The following PBX3 variants were observed in gnomAD, a reference collection of about 807,000 sequenced individuals.
The protein encoded by PBX3 is PBX homeobox 3, also known as pre-B-cell leukemia transcription factor 3.
A neutral mutation model predicts 48.5 loss-of-function variants in PBX3; 14 were observed. The observed-to-expected ratio is 0.29, with a 90% confidence interval of 0.19 to 0.45. The LOEUF (loss-of-function observed/expected upper bound fraction) is 0.45, where lower values mean the gene tolerates loss of function less well. Ranked by LOEUF, PBX3 falls within the 20% of genes least tolerant of loss-of-function variation. The pLI, the probability that PBX3 is intolerant of heterozygous loss-of-function variation, is 1.00. For synonymous variants in PBX3, 210 were observed against 200.3 expected, an observed-to-expected ratio of 1.05 and a Z score of -0.41; for missense variants, 386 against 546.7, an observed-to-expected ratio of 0.71 and a Z score of 2.93.
At chr9:125,860,293 G>C (rs929516493) in intron 2 of PBX3, among the ~76,000 whole-genome samples, 8 of 152,198 alleles carry the variant, frequency 5.3e-5, no homozygotes, top group African/African-American at 1.9e-4. Flanking sequence ...TTGCTCACAA[G>C]TCTTTCTCTC....
intron 2 of PBX3, among the ~76,000 whole-genome samples, chr9:125,888,374 G>A (rs1840550889): frequency 6.6e-6 from 1 of 152,090 alleles, no homozygotes; most frequent in Non-Finnish European, 1.5e-5. Flanking sequence ...CAATCATTTA[G>A]TAGACAAATA....
intron 2 of PBX3, among the ~76,000 whole-genome samples, chr9:125,758,474 G>A (rs1836580489): frequency 6.6e-6 from 1 of 151,982 alleles, no homozygotes; most frequent in East Asian, 1.9e-4. Flanking sequence ...CAAAGTTTTC[G>A]TTTAGATGAC....
At chr9:125,901,453 T>C (rs1361469704) in intron 2 of PBX3, among the ~76,000 whole-genome samples, 1 of 151,740 alleles carries the variant, frequency 6.6e-6, no homozygotes, top group African/African-American at 2.4e-5. Flanking sequence ...ATAACTTTCT[T>C]AATGAAGCCT....
At chr9:125,934,448 G>C (rs1159205582) in intron 4 of PBX3, among the ~76,000 whole-genome samples, 10 of 152,142 alleles carry the variant, frequency 6.6e-5, no homozygotes, top group Admixed American at 6.5e-4. Context: ...AATTGAAAGT[G>C]AATTCTGACA....
intron 3 of PBX3, among the ~76,000 whole-genome samples, chr9:125,924,181 A>G (rs754368621): frequency 6.6e-6 from 1 of 152,236 alleles, no homozygotes; most frequent in Non-Finnish European, 1.5e-5. Context: ...TAATTAATTT[A>G]AAAATAACAA....
rs1436389516 is a variant in PBX3, at chr9:125,966,063, T to C, written c.*140T>C. The C allele has an allele frequency of 5.5e-6, 3 of 549,936 alleles. No individual in the cohort carries two copies. 34.1% of individuals were successfully genotyped at this position (549,936 alleles called of 1,614,324 possible). A position where few individuals can be genotyped will look rare whatever the true frequency, so the allele number is the denominator to read the frequency against. ...GTCTTATTCGAGAACTTGGTAAATCTGTTTTTTAAGGAATCATAATCATTT... is the reference window on the plus strand; with the variant it reads ...GTCTTATTCGAGAACTTGGTAAATCCGTTTTTTAAGGAATCATAATCATTT... On this transcript the variant is annotated 3_prime_UTR_variant, in exon 9 of 9. Transcript: ENST00000373489.
intron 2 of PBX3, among the ~76,000 whole-genome samples, chr9:125,843,984 G>A (rs565251579): frequency 4.9e-4 from 74 of 152,154 alleles, no homozygotes; most frequent in Non-Finnish European, 9.3e-4. Flanking sequence ...AGCAAAATCT[G>A]CAGTGGTGAA....
At position 125,832,257 on chromosome 9, in the gene PBX3, G is replaced by A. The variant is rs1412662969; in HGVS notation, c.275-83429G>A. 3.3e-5 allele frequency among the ~76,000 whole-genome samples: 5 copies of A among 151,008 alleles called. No individual in the cohort carries two copies. The East Asian group carries it at 5.8e-4, about 18-fold the overall frequency. Reference sequence around the variant, plus strand: ...GTTGCCCAGGCTGGAGTGCAGTGGCGCGATCTCGGCTGACTGCAAGCTCTG... The same window carrying A: ...GTTGCCCAGGCTGGAGTGCAGTGGCACGATCTCGGCTGACTGCAAGCTCTG... On this transcript the variant is annotated intron_variant, in intron 2 of 8. Transcript: ENST00000373489.
At chr9:125,933,518 A>G (rs1219022097) in intron 4 of PBX3, among the ~76,000 whole-genome samples, 3 of 152,120 alleles carry the variant, frequency 2.0e-5, no homozygotes, top group East Asian at 1.9e-4. Flanking sequence ...ATACGTCGCT[A>G]TTTCCCAAAG....
At chr9:125,752,290 G>A (rs1836396714) in intron 2 of PBX3, among the ~76,000 whole-genome samples, 1 of 152,162 alleles carries the variant, frequency 6.6e-6, no homozygotes, top group Admixed American at 6.5e-5. Flanking sequence ...CTTCTCTACT[G>A]CAGGAGGTGT....
intron 2 of PBX3, among the ~76,000 whole-genome samples, chr9:125,755,592 T>C (rs1836492219): frequency 6.6e-6 from 1 of 151,548 alleles, no homozygotes; most frequent in African/African-American, 2.4e-5. Context: ...GAGGGCATTA[T>C]GCAAGAAATG....
intron 2 of PBX3, among the ~76,000 whole-genome samples, chr9:125,803,133 G>A (rs112249778): frequency 0.025 from 3,226 of 127,912 alleles, 133 homozygotes; most frequent in African/African-American, 0.094. Context: ...TCGCTGTGTC[G>A]CCCAGGCTGG....
In PBX3 at chr9:125,929,948, A is replaced by G. The variant is rs1392456381; in HGVS notation, c.707+103A>G. 5.9e-6 allele frequency: 5 copies of G among 849,868 alleles called. No homozygotes were observed. The African/African-American group carries it at 6.8e-5, about 12-fold the overall frequency. 52.6% of individuals were successfully genotyped at this position (849,868 alleles called of 1,614,324 possible). ...CAGTTGGTCTTAGATTCTTTTGGCC[A>G]TATGAGTCTTTTGTACAATGGACAG... On this transcript the variant is annotated intron_variant, in intron 4 of 8. Coordinates refer to ENST00000373489, the MANE Select transcript of PBX3 (RefSeq NM_006195.6).
In PBX3 at chr9:125,966,620, G is replaced by A. The variant is rs764229917; in HGVS notation, c.*697G>A. ...GTGAAAACGAGATTGATCCGTCTGG[G>A]GTTTTACGGTGTGCACTGGGTGCTG... On this transcript the variant is annotated 3_prime_UTR_variant, in exon 9 of 9. Transcript: ENST00000373489. 6.6e-6 allele frequency: 1 copy of A among 152,670 alleles called. No individual in the cohort carries two copies. The highest frequency in any genetic ancestry group is 6.5e-5 in the Admixed American group (1 of 15,286). 9.5% of individuals were successfully genotyped at this position (152,670 alleles called of 1,614,324 possible).
intron 3 of PBX3, among the ~76,000 whole-genome samples, chr9:125,928,392 ATGTGTGTGTGTGTGTG>A (rs112869741): frequency 7.1e-6 from 1 of 140,218 alleles, no homozygotes; most frequent in Non-Finnish European, 1.5e-5. Context: ...GGGGAAACAA[ATGTGTGTGTGTGTGTG>A]TGTGTGTGTG....
chr9:125,778,338 A>G (rs1837133801), intron 2 of PBX3, among the ~76,000 whole-genome samples: 1 of 151,414 alleles, frequency 6.6e-6, no homozygotes, highest in Admixed American at 6.6e-5. Context: ...GGCTCACTGC[A>G]ACCTCCGTCT....
chr9:125,917,128 A>C lies in PBX3; in HGVS notation c.516+1201A>C, dbSNP rs146899210. On this transcript the variant is annotated intron_variant, in intron 3 of 8. Coordinates refer to ENST00000373489, the MANE Select transcript of PBX3 (RefSeq NM_006195.6). ...TAATTTCACCCATGAGTATTTCACT[A>C]TGTAGGCAAGTACTTTTTAAAGTCC... 1.8e-3 allele frequency among the ~76,000 whole-genome samples: 274 copies of C among 152,304 alleles called. 2 individuals carry two copies. The highest frequency in any genetic ancestry group is 6.1e-3 in the African/African-American group (254 of 41,566).
chr9:125,880,487 TTTCTC>T (rs1297134557), intron 2 of PBX3, among the ~76,000 whole-genome samples: 7 of 152,214 alleles, frequency 4.6e-5, no homozygotes, highest in African/African-American at 1.7e-4. Flanking sequence ...TTATCTGACT[TTTCTC>T]TTCATCACCT....
At chr9:125,789,656 A>G (rs1202973211) in intron 2 of PBX3, among the ~76,000 whole-genome samples, 1 of 152,146 alleles carries the variant, frequency 6.6e-6, no homozygotes, top group Non-Finnish European at 1.5e-5. Context: ...GGGTGAAGTC[A>G]TTAAGATCAG....
Sources: gnomAD v4.1 joint callset for allele counts (sites outside exome capture counted in the v4.1 genomes callset) on GRCh38, gnomAD v4.1.1 for gene constraint, MANE v1.5 for transcripts, NCBI Gene and HGNC (gene_info 2026-07-23, HGNC 2026-07-21) for gene names.